The following KIAA1217 variants were observed in gnomAD, a reference collection of about 807,000 sequenced individuals.
KIAA1217 encodes the protein sickle tail protein homolog.
In KIAA1217, 88 loss-of-function variants were observed where a neutral mutation model predicts 163.9. That is an observed-to-expected ratio of 0.54 (90% CI 0.45 to 0.64). KIAA1217 has a LOEUF of 0.64. Among genes scored for constraint, KIAA1217 ranks in the 30% least tolerant of loss-of-function variants. The pLI is 0.00. For synonymous variants in KIAA1217, 903 were observed against 923.1 expected, an observed-to-expected ratio of 0.98 and a Z score of 0.39; for missense variants, 2,372 against 2,475.0, an observed-to-expected ratio of 0.96 and a Z score of 0.88.
At chr10:24,166,411 AG>A (rs1201959126) in intron 2 of KIAA1217, among the ~76,000 whole-genome samples, 1 of 152,226 alleles carries the variant, frequency 6.6e-6, no homozygotes, top group Non-Finnish European at 1.5e-5. Context: ...ATAGATCAGT[AG>A]GGTGACAATA....
chr10:24,222,417 A>G (rs1162697603), intron 2 of KIAA1217, among the ~76,000 whole-genome samples: 2 of 152,232 alleles, frequency 1.3e-5, no homozygotes, highest in African/African-American at 2.4e-5. Flanking sequence ...CCAGACCCCA[A>G]GAGAGGGTTC....
chr10:23,915,320 A>G lies in KIAA1217; in HGVS notation c.-320-91905A>G, dbSNP rs148115964. Reference sequence around the variant, plus strand: ...GCGGTTGTCATGAGCTGAGATGTAGATGGGAAAACAAGAGTTTACCAGTGA... The same window carrying G: ...GCGGTTGTCATGAGCTGAGATGTAGGTGGGAAAACAAGAGTTTACCAGTGA... On this transcript the variant is annotated intron_variant, in intron 1 of 18. Transcript: ENST00000376462. 2.1e-3 allele frequency among the ~76,000 whole-genome samples: 322 copies of G among 152,252 alleles called. 2 individuals carry two copies. Among genetic ancestry groups the G allele is most frequent in the African/African-American group, 7.4e-3 (309 of 41,558 alleles).
In KIAA1217 at chr10:23,997,997, C is replaced by T. The variant is rs118022934; in HGVS notation, c.-320-9228C>T. ...AAGGGGGCTTTCTTTTTTTTTTTCC[C>T]CCCAAAACTAATCTAACTGCCTGTT... On this transcript the variant is annotated intron_variant, in intron 1 of 18. Transcript: ENST00000376462. Among the ~76,000 whole-genome samples the T allele has an allele frequency of 3.6e-3, 542 of 151,336 alleles. 6 individuals are homozygous for T. The highest frequency in any genetic ancestry group is 0.031 in the South Asian group (148 of 4,802).
chr10:24,057,404 C>A (rs1487684136), intron 2 of KIAA1217, among the ~76,000 whole-genome samples: 5 of 152,136 alleles, frequency 3.3e-5, no homozygotes, highest in Admixed American at 6.5e-5. Flanking sequence ...TGAAATGTTA[C>A]ACTCGTTACA....
chr10:24,088,800 G>C lies in KIAA1217; in HGVS notation c.-171+81426G>C, dbSNP rs563869599. 7.2e-5 allele frequency among the ~76,000 whole-genome samples: 9 copies of C among 124,284 alleles called. No homozygotes were observed. The East Asian group carries it at 1.8e-3, about 24-fold the overall frequency. 81.5% of individuals were successfully genotyped at this position (124,284 alleles called of 152,430 possible). On this transcript the variant is annotated intron_variant, in intron 2 of 18. Coordinates refer to the KIAA1217 transcript ENST00000376462. ...AGCAGCATGATTTATAAGCCTTTGG[G>C]TATATATCCAGTAATGGGATGGCTG...
chr10:24,372,488 C>A (rs1212044789), intron 2 of KIAA1217, among the ~76,000 whole-genome samples: 5 of 152,078 alleles, frequency 3.3e-5, no homozygotes, highest in Non-Finnish European at 7.4e-5. Flanking sequence ...AGAACAATTT[C>A]TTGTTCAGTT....
intron 5 of KIAA1217, among the ~76,000 whole-genome samples, chr10:24,441,165 G>A (rs979341977): frequency 1.6e-4 from 24 of 152,164 alleles, no homozygotes; most frequent in African/African-American, 5.3e-4. Flanking sequence ...CAATGTGAGC[G>A]TGGCCATGAA....
At chr10:24,282,786 A>G (rs957457279) in intron 2 of KIAA1217, among the ~76,000 whole-genome samples, 1 of 148,204 alleles carries the variant, frequency 6.7e-6, no homozygotes, top group Non-Finnish European at 1.5e-5. Flanking sequence ...AAGGAGTTCT[A>G]AACCAAGATG....
intron 2 of KIAA1217, among the ~76,000 whole-genome samples, chr10:24,105,782 C>T (rs991676891): frequency 2.6e-5 from 4 of 152,190 alleles, no homozygotes; most frequent in African/African-American, 9.7e-5. Context: ...CAGGTTACTG[C>T]CTTCATGGGG....
intron 1 of KIAA1217, among the ~76,000 whole-genome samples, chr10:23,940,969 A>G (rs866487110): frequency 6.6e-6 from 1 of 152,234 alleles, no homozygotes; most frequent in South Asian, 2.1e-4. Context: ...TGAAACAATC[A>G]AAACCTAATG....
chr10:24,482,148 A>T (rs942960479), intron 6 of KIAA1217: 1 of 152,186 alleles, frequency 6.6e-6, no homozygotes, highest in East Asian at 1.9e-4. Flanking sequence ...CACCAGGGAT[A>T]CTCTGTCAGA....
At chr10:24,429,468 A>G (rs932097421) in intron 3 of KIAA1217, among the ~76,000 whole-genome samples, 3 of 152,032 alleles carry the variant, frequency 2.0e-5, no homozygotes, top group African/African-American at 7.2e-5. Context: ...ACATGATTCT[A>G]TGTTTCATAT....
intron 3 of KIAA1217, among the ~76,000 whole-genome samples, chr10:24,399,020 G>A (rs2056202824): frequency 6.6e-6 from 1 of 152,164 alleles, no homozygotes; most frequent in South Asian, 2.1e-4. Flanking sequence ...GGTAGGGTTG[G>A]AGGGAGCCCT....
chr10:24,407,774 A>G (rs1299556828), intron 3 of KIAA1217, among the ~76,000 whole-genome samples: 1 of 152,184 alleles, frequency 6.6e-6, no homozygotes, highest in East Asian at 1.9e-4. Flanking sequence ...CTTAACTGCC[A>G]TTCCTATGGC....
chr10:23,739,332 C>A (rs1838980224), intron 1 of KIAA1217, among the ~76,000 whole-genome samples: 1 of 152,136 alleles, frequency 6.6e-6, no homozygotes. Context: ...GATTTGACCA[C>A]TATGCAATAT....
intron 1 of KIAA1217, among the ~76,000 whole-genome samples, chr10:23,840,001 T>G (rs1279966572): frequency 6.6e-6 from 1 of 152,172 alleles, no homozygotes; most frequent in Non-Finnish European, 1.5e-5. Flanking sequence ...ATGGCTTTTC[T>G]CATTTTGACC....
At chr10:24,182,162 G>A (rs2066201632) in intron 2 of KIAA1217, among the ~76,000 whole-genome samples, 1 of 152,158 alleles carries the variant, frequency 6.6e-6, no homozygotes, top group Non-Finnish European at 1.5e-5. Context: ...TTGGCTGGAA[G>A]CAGTGGCTTA....
At chr10:24,085,094 T>G (rs895949888) in intron 2 of KIAA1217, among the ~76,000 whole-genome samples, 6 of 152,040 alleles carry the variant, frequency 3.9e-5, no homozygotes, top group African/African-American at 1.4e-4. Flanking sequence ...TTTTGTATTT[T>G]TAGTAGAGAC....
At chr10:24,447,144 C>G (rs187626766) in intron 5 of KIAA1217, among the ~76,000 whole-genome samples, 1 of 152,128 alleles carries the variant, frequency 6.6e-6, no homozygotes, top group Non-Finnish European at 1.5e-5. Context: ...TGTGCACTCC[C>G]CTTTTCCTGA....
Sources: gnomAD v4.1 joint callset for allele counts (sites outside exome capture counted in the v4.1 genomes callset) on GRCh38, gnomAD v4.1.1 for gene constraint, MANE v1.5 for transcripts, NCBI Gene and HGNC (gene_info 2026-07-23, HGNC 2026-07-21) for gene names.